DAAM1: variants seen among roughly 807,000 people sequenced by gnomAD.
The protein encoded by DAAM1 is disheveled-associated activator of morphogenesis 1.
In DAAM1, 52 loss-of-function variants were observed where a neutral mutation model predicts 130.0. The ratio of observed to expected loss-of-function variants is 0.40; its 90% CI spans 0.32 to 0.50. The LOEUF is 0.50. DAAM1 is among the 20% of genes least tolerant of loss of function. The pLI is 0.61. For synonymous variants in DAAM1, 452 were observed against 444.5 expected, an observed-to-expected ratio of 1.02 and a Z score of -0.21; for missense variants, 1,134 against 1,303.8, an observed-to-expected ratio of 0.87 and a Z score of 2.01.
At chr14:59,296,487 A>G (rs1883959456) in intron 3 of DAAM1, among the ~76,000 whole-genome samples, 2 of 152,136 alleles carry the variant, frequency 1.3e-5, no homozygotes, top group East Asian at 1.9e-4. Context: ...AAATAAGCCA[A>G]ATTTCTTGGA....
chr14:59,309,783 G>A (rs778914187), intron 3 of DAAM1, among the ~76,000 whole-genome samples: 1 of 152,170 alleles, frequency 6.6e-6, no homozygotes, highest in African/African-American at 2.4e-5. Flanking sequence ...TGTTTACACC[G>A]TTATGAGCCA....
At chr14:59,256,975 T>C (rs2139492848) in intron 1 of DAAM1, among the ~76,000 whole-genome samples, 1 of 152,320 alleles carries the variant, frequency 6.6e-6, no homozygotes, top group Non-Finnish European at 1.5e-5. Context: ...GAGTCTCTTT[T>C]CAATGGCACT....
rs1405759884 is a variant in DAAM1, at chr14:59,371,329, AGTAT to A, written c.*2473_*2476del. ...TGTTAGATAGTACTGAGAAAAAAAAAGTATGTGTTATGAGACTGTACATGTTTTT... is the reference window on the plus strand; with the variant it reads ...TGTTAGATAGTACTGAGAAAAAAAAAGTGTTATGAGACTGTACATGTTTTT... On this transcript the variant is annotated 3_prime_UTR_variant, in exon 25 of 25. Transcript: ENST00000360909. 6.6e-6 allele frequency: 1 copy of A among 152,102 alleles called. No individual in the cohort carries two copies. Among genetic ancestry groups the A allele is most frequent in the African/African-American group, 2.4e-5 (1 of 41,422 alleles). The allele number at this position is 152,102 out of a possible 1,614,324, so 9.4% of individuals were successfully genotyped here.
rs969334442 is a variant in DAAM1, at chr14:59,323,140, T to C, written c.689T>C (p.Val230Ala). 1 of 1,613,680 alleles carries C rather than the reference T, an allele frequency of 6.2e-7. No homozygotes were observed. Among genetic ancestry groups the C allele is most frequent in the Non-Finnish European group, 8.5e-7 (1 of 1,179,874 alleles). ...KVAVLEILGA[V>A]CLVPGGHKKV... Reference sequence around the variant, plus strand: ...GCCGTGCTGGAAATCTTGGGCGCCGTGTGCCTGGTTCCCGGGGGCCACAAG... The same window carrying C: ...GCCGTGCTGGAAATCTTGGGCGCCGCGTGCCTGGTTCCCGGGGGCCACAAG... The change falls in exon 6 of 25, where the codon GTG becomes GCG. Residue 230 changes from valine (V) to alanine (A), a missense_variant. This residue lies in a region of DAAM1 where 391 missense variants were observed against 521.6 expected (regional missense o/e 0.75). Coordinates refer to ENST00000360909, the MANE Select transcript of DAAM1 (RefSeq NM_001270520.2).
At chr14:59,308,650 C>G (rs1328388399) in intron 3 of DAAM1, among the ~76,000 whole-genome samples, 2 of 152,136 alleles carry the variant, frequency 1.3e-5, no homozygotes. Context: ...CAGGTTGTCT[C>G]TAGGGTCAAA....
intron 1 of DAAM1, among the ~76,000 whole-genome samples, chr14:59,200,448 T>C (rs988033415): frequency 6.6e-6 from 1 of 152,136 alleles, no homozygotes; most frequent in Non-Finnish European, 1.5e-5. Flanking sequence ...ACAGTGATGT[T>C]CCATTTTTTT....
chr14:59,259,628 G>C (rs899604792), intron 1 of DAAM1, among the ~76,000 whole-genome samples: 2 of 152,182 alleles, frequency 1.3e-5, no homozygotes, highest in African/African-American at 4.8e-5. Context: ...GTGGGATGTG[G>C]TCCCTGCCCT....
chr14:59,262,378 AATAT>A (rs140900839), intron 1 of DAAM1, among the ~76,000 whole-genome samples: 165 of 152,324 alleles, frequency 1.1e-3, no homozygotes, highest in Middle Eastern at 6.8e-3. Flanking sequence ...TTTCCAAGGC[AATAT>A]ATACAGTTGT....
In DAAM1 at chr14:59,353,881, A is replaced by C; in HGVS notation, c.2273A>C (p.Asn758Thr). 1 of 1,613,948 alleles carries C rather than the reference A, an allele frequency of 6.2e-7. No individual in the cohort carries two copies. The highest frequency in any genetic ancestry group is 1.1e-5 in the South Asian group (1 of 91,042). Residue 758 changes from asparagine to threonine, a missense_variant, in exon 19 of 25, where the codon AAT becomes ACT. Coordinates refer to ENST00000360909, the MANE Select transcript of DAAM1 (RefSeq NM_001270520.2). ...DRFLFEMSRI[N>T]HYQQRLQSLY... Reference sequence around the variant, plus strand: ...GTACATGTTTGCTCTTACAGAATTAATCACTATCAGCAAAGGTTGCAATCG... The same window carrying C: ...GTACATGTTTGCTCTTACAGAATTACTCACTATCAGCAAAGGTTGCAATCG...
intron 1 of DAAM1, among the ~76,000 whole-genome samples, chr14:59,227,712 A>G (rs1888985250): frequency 6.6e-6 from 1 of 152,164 alleles, no homozygotes; most frequent in Non-Finnish European, 1.5e-5. Context: ...TCACATTGTA[A>G]GCCCTTTCAC....
Position 59,320,601 on chromosome 14 carries a change from T to A in DAAM1, c.440+17T>A. The A allele has an allele frequency of 6.6e-7, 1 of 1,521,482 alleles. No individual in the cohort carries two copies. Among genetic ancestry groups the A allele is most frequent in the Admixed American group, 2.4e-5 (1 of 41,840 alleles). 94.2% of individuals were successfully genotyped at this position (1,521,482 alleles called of 1,614,324 possible). ...ACCAATGAGGTAATTTTCCCCTGGA[T>A]GGCATGTTTTTTTTTTTTCTCTCCT... On this transcript the variant is annotated intron_variant, in intron 5 of 24. Transcript: ENST00000360909.
rs533391737 is a variant in DAAM1 at position 59,329,728 on chromosome 14, A to G, written c.1373-773A>G. On this transcript the variant is annotated intron_variant, in intron 12 of 24. Coordinates refer to ENST00000360909, the MANE Select transcript of DAAM1 (RefSeq NM_001270520.2). ...GTATTCATTGGCAATGTGAATATGC[A>G]TTATGCTGAATTGGATGCCCTGTTT... 9.2e-5 allele frequency among the ~76,000 whole-genome samples: 14 copies of G among 152,308 alleles called. No individual in the cohort carries two copies. The South Asian group carries it at 1.9e-3, about 20-fold the overall frequency.
At chr14:59,201,145 AGT>A (rs1888090700) in intron 1 of DAAM1, among the ~76,000 whole-genome samples, 1 of 126,190 alleles carries the variant, frequency 7.9e-6, no homozygotes, top group Non-Finnish European at 1.6e-5. Flanking sequence ...TGGGCGACAG[AGT>A]GAGACTCCGT....
intron 22 of DAAM1, 113 bp downstream of exon 22, chr14:59,360,975 A>G (rs1886683854): frequency 1.2e-6 from 1 of 836,688 alleles, no homozygotes; most frequent in African/African-American, 1.8e-5. Context: ...ATAAACATTT[A>G]TTGATTAAAA....
chr14:59,305,849 C>T (rs1311532846), intron 3 of DAAM1, among the ~76,000 whole-genome samples: 1 of 152,150 alleles, frequency 6.6e-6, no homozygotes, highest in Non-Finnish European at 1.5e-5. Flanking sequence ...TAGCTATGTG[C>T]TATTTCATTC....
chr14:59,245,626 A>C (rs573160203), intron 1 of DAAM1, among the ~76,000 whole-genome samples: 3 of 152,202 alleles, frequency 2.0e-5, no homozygotes, highest in Admixed American at 6.5e-5. Flanking sequence ...AAAATTCTAA[A>C]TTATACCATT....
At chr14:59,335,323 C>T (rs1885584334) in intron 15 of DAAM1, among the ~76,000 whole-genome samples, 1 of 152,138 alleles carries the variant, frequency 6.6e-6, no homozygotes. Context: ...GCAGTTATTT[C>T]TCCACTCACA....
At chr14:59,214,133 T>C (rs1265946767) in intron 1 of DAAM1, among the ~76,000 whole-genome samples, 2 of 152,266 alleles carry the variant, frequency 1.3e-5, no homozygotes, top group Admixed American at 6.5e-5. Flanking sequence ...CAGTTTACTT[T>C]GGAAGATTGG....
At chr14:59,326,810 T>C in intron 11 of DAAM1, 123 bp from the exon 12 acceptor site, 1 of 1,508,346 alleles carries the variant, frequency 6.6e-7, no homozygotes, top group Non-Finnish European at 9.0e-7. Flanking sequence ...TGGTCTTAAA[T>C]GGGTTTCAAG....
Sources: allele counts gnomAD v4.1 joint callset (sites outside exome capture counted in the v4.1 genomes callset), GRCh38; gene constraint gnomAD v4.1.1; regional missense constraint gnomAD v4.1.1; transcripts MANE v1.5; gene names NCBI Gene and HGNC (gene_info 2026-07-23, HGNC 2026-07-21).